The following RET variants were observed in gnomAD, a reference collection of about 807,000 sequenced individuals.
RET encodes the protein ret proto-oncogene, also known as proto-oncogene tyrosine-protein kinase receptor Ret.
In RET, 19 loss-of-function variants were observed where a neutral mutation model predicts 118.3. The observed-to-expected ratio is 0.16, with a 90% CI of 0.11 to 0.24. The LOEUF (loss-of-function observed/expected upper bound fraction) is 0.24, where lower values mean the gene tolerates loss of function less well. Ranked by LOEUF, RET falls within the 10% of genes least tolerant of loss-of-function variation. The pLI, the probability that RET is intolerant of heterozygous loss-of-function variation, is 1.00. For missense variants in RET, 1,219 were observed against 1,502.1 expected, an observed-to-expected ratio of 0.81 and a Z score of 3.12; for synonymous variants, 597 against 644.1, an observed-to-expected ratio of 0.93 and a Z score of 1.11.
chr10:43,089,554 T>C lies in RET; in HGVS notation c.74-10905T>C, dbSNP rs544679959. On this transcript the variant is annotated intron_variant, in intron 1 of 19. Coordinates refer to ENST00000355710, the MANE Select transcript of RET (RefSeq NM_020975.6). Reference sequence around the variant, plus strand: ...GCGTGCAGGTGGCGTAGGAAGTGCATGTCCGTTCTTTCTGTAGGACACACC... The same window carrying C: ...GCGTGCAGGTGGCGTAGGAAGTGCACGTCCGTTCTTTCTGTAGGACACACC... 1.3e-4 allele frequency among the ~76,000 whole-genome samples: 20 copies of C among 152,316 alleles called. No homozygotes were observed. The South Asian group carries it at 3.9e-3, about 30-fold the overall frequency.
At chr10:43,111,963 C>A in intron 7 of RET, 136 bp from the exon 8 acceptor site, 1 of 1,270,518 alleles carries the variant, frequency 7.9e-7, no homozygotes, top group Non-Finnish European at 1.1e-6. Flanking sequence ...GTCTTTGCTG[C>A]CCTGGGTCTG....
intron 1 of RET, among the ~76,000 whole-genome samples, chr10:43,088,258 G>T (rs537052230): frequency 6.6e-6 from 1 of 151,654 alleles, no homozygotes; most frequent in East Asian, 1.9e-4. Context: ...GGTGGTGGAG[G>T]CCATGGTATT....
intron 12 of RET, among the ~76,000 whole-genome samples, chr10:43,117,707 T>C (rs1400346367): frequency 6.6e-6 from 1 of 152,244 alleles, no homozygotes; most frequent in Non-Finnish European, 1.5e-5. Flanking sequence ...TCGTCCTGTT[T>C]CCATCATGCC....
intron 1 of RET, among the ~76,000 whole-genome samples, chr10:43,096,750 C>T (rs987030882): frequency 2.6e-5 from 4 of 152,166 alleles, no homozygotes; most frequent in African/African-American, 9.7e-5. Flanking sequence ...ATTTGTGGGC[C>T]CCTTGATCTA....
At chr10:43,098,982 A>G (rs541505278) in intron 1 of RET, among the ~76,000 whole-genome samples, 10 of 152,124 alleles carry the variant, frequency 6.6e-5, no homozygotes, top group Non-Finnish European at 1.3e-4. Context: ...GTTTTTCATG[A>G]TAACTGTATA....
chr10:43,086,339 T>C (rs1241956091), intron 1 of RET, among the ~76,000 whole-genome samples: 1 of 152,164 alleles, frequency 6.6e-6, no homozygotes, highest in Non-Finnish European at 1.5e-5. Context: ...TGAACAGGGA[T>C]GAGAAGGGGC....
intron 1 of RET, among the ~76,000 whole-genome samples, chr10:43,085,523 G>A (rs140322000): frequency 5.2e-4 from 79 of 152,284 alleles, no homozygotes; most frequent in African/African-American, 1.8e-3. Context: ...CTCGGCCACC[G>A]TCTGCCCCTC....
intron 1 of RET, among the ~76,000 whole-genome samples, chr10:43,088,611 T>G (rs1837346444): frequency 6.6e-6 from 1 of 152,014 alleles, no homozygotes; most frequent in Non-Finnish European, 1.5e-5. Flanking sequence ...TTCATGTGCA[T>G]TAATTCCTTC....
chr10:43,079,153 A>G (rs548611415), intron 1 of RET, among the ~76,000 whole-genome samples: 2 of 152,270 alleles, frequency 1.3e-5, no homozygotes, highest in East Asian at 3.9e-4. Context: ...CTGGGTCTCT[A>G]GAGGATGAGG....
chr10:43,090,240 A>G (rs1837382916), intron 1 of RET, among the ~76,000 whole-genome samples: 1 of 152,178 alleles, frequency 6.6e-6, no homozygotes, highest in Non-Finnish European at 1.5e-5. Context: ...AGGTGATGAG[A>G]GCCACCCCCA....
Position 43,077,094 on chromosome 10 carries a change from C to A in RET, c.-165C>A. ...AGTCCCGCGACCGAAGCAGGGCGCGCAGCAGCGCTGAGTGCCCCGGAACGT... is the reference window on the plus strand; with the variant it reads ...AGTCCCGCGACCGAAGCAGGGCGCGAAGCAGCGCTGAGTGCCCCGGAACGT... On this transcript the variant is annotated 5_prime_UTR_variant, in exon 1 of 20. Coordinates refer to ENST00000355710, the MANE Select transcript of RET (RefSeq NM_020975.6). The A allele has an allele frequency of 1.9e-6, 2 of 1,060,878 alleles. No individual in the cohort carries two copies. The highest frequency in any genetic ancestry group is 2.4e-6 in the Non-Finnish European group (2 of 818,670). 65.7% of individuals were successfully genotyped at this position (1,060,878 alleles called of 1,614,324 possible). A position where few individuals can be genotyped will look rare whatever the true frequency, so the allele number is the denominator to read the frequency against.
Position 43,112,126 on chromosome 10 carries a change from T to C in RET, c.1550T>C (p.Leu517Pro), listed in dbSNP as rs2132797163. Residue 517 changes from leucine to proline, a missense_variant, in exon 8 of 20, where the codon CTG becomes CCG. Transcript: ENST00000355710. ...GTGGCCGAGGAGGCGGGCTGCCCCC[T>C]GTCCTGTGCAGTCAGCAAGAGACGG... ...SYVAEEAGCP[L>P]SCAVSKRRLE... 6.2e-7 allele frequency: 1 copy of C among 1,601,646 alleles called. No individual in the cohort carries two copies. The highest frequency in any genetic ancestry group is 8.5e-7 in the Non-Finnish European group (1 of 1,174,192).
Position 43,086,736 on chromosome 10 carries a change from G to A in RET, c.73+9405G>A, listed in dbSNP as rs1165547757. ...CCGGAAGCAACTGCCAGTGAGGCTG[G>A]TGATTAACTCTGCAGCAGCTGGGAA... On this transcript the variant is annotated intron_variant, in intron 1 of 19. Transcript: ENST00000355710. Among the ~76,000 whole-genome samples, 1 of 152,266 alleles carries A rather than the reference G, an allele frequency of 6.6e-6. No individual in the cohort carries two copies. The highest frequency in any genetic ancestry group is 1.5e-5 in the Non-Finnish European group (1 of 68,052).
intron 1 of RET, among the ~76,000 whole-genome samples, chr10:43,097,126 C>T (rs924111862): frequency 2.0e-5 from 3 of 152,194 alleles, no homozygotes; most frequent in African/African-American, 7.2e-5. Flanking sequence ...GCAGGAAGGC[C>T]CGTTCTCCCC....
rs2132856807 is a variant in RET, at chr10:43,114,778, C to T, written c.2136+42C>T. 1 of 1,568,480 alleles carries T rather than the reference C, an allele frequency of 6.4e-7. No homozygotes were observed. On this transcript the variant is annotated intron_variant, in intron 11 of 19. Coordinates refer to ENST00000355710, the MANE Select transcript of RET (RefSeq NM_020975.6). The surrounding 1 kb of genome is among the most constrained non-coding windows in gnomAD (Gnocchi z 4.6). ...GGCAGGGAAGATCCCCTGCCCTCCC[C>T]AGCTGCCTTCCAGGGAGGGAGGCCA... is the stretch of plus-strand genomic sequence containing the variant.
chr10:43,111,596 A>T (rs2132781796), intron 7 of RET, 131 bp downstream of exon 7: 1 of 969,064 alleles, frequency 1.0e-6, no homozygotes, highest in Non-Finnish European at 1.5e-6. Flanking sequence ...GACCAGCTTC[A>T]CCCTGAGTGA....
chr10:43,127,463 C>G (rs1464285389), intron 19 of RET: 1 of 1,045,618 alleles, frequency 9.6e-7, no homozygotes, highest in Non-Finnish European at 1.2e-6. Flanking sequence ...ATGGTTCTTG[C>G]CAAAACTCCT....
chr10:43,085,618 G>C (rs1363136779), intron 1 of RET, among the ~76,000 whole-genome samples: 1 of 152,186 alleles, frequency 6.6e-6, no homozygotes, highest in Non-Finnish European at 1.5e-5. Context: ...CGGCTGAGAG[G>C]AGCTTACACA....
intron 1 of RET, among the ~76,000 whole-genome samples, chr10:43,097,200 G>A (rs1837539759): frequency 6.6e-6 from 1 of 152,154 alleles, no homozygotes; most frequent in South Asian, 2.1e-4. Context: ...TCTAGTCCCT[G>A]GACCACTAAA....
Sources: allele counts gnomAD v4.1 joint callset (sites outside exome capture counted in the v4.1 genomes callset), GRCh38; gene constraint gnomAD v4.1.1; non-coding constraint Gnocchi (gnomAD v3.1); transcripts MANE v1.5; gene names NCBI Gene and HGNC (gene_info 2026-07-23, HGNC 2026-07-21).